The following MMS22L variants were observed in gnomAD, a reference collection of about 807,000 sequenced individuals.
The protein encoded by MMS22L is MMS22 like, DNA repair protein.
In MMS22L, 74 loss-of-function variants were observed where a neutral mutation model predicts 159.1. That is an observed-to-expected ratio of 0.47 (90% CI 0.39 to 0.56). The LOEUF (loss-of-function observed/expected upper bound fraction) is 0.56, where lower values mean the gene tolerates loss of function less well. Among genes scored for constraint, MMS22L ranks in the 20% least tolerant of loss-of-function variants. The pLI is 0.00. For synonymous variants in MMS22L, 517 were observed against 506.9 expected (o/e 1.02, Z -0.27); for missense variants, 1,351 against 1,422.1 (o/e 0.95, Z 0.80).
Position 97,254,739 on chromosome 6 carries a change from G to C in MMS22L, c.943-6C>G, listed in dbSNP as rs776954158. ...TTCAACCAGTTCCAAAATGACTATA[G>C]AAACAGAAGTAATTTGATTCCATTA... On this transcript the variant is annotated splice_region_variant and splice_polypyrimidine_tract_variant and intron_variant, in intron 9 of 24. Transcript: ENST00000683635. 1 of 1,579,534 alleles carries C rather than the reference G, an allele frequency of 6.3e-7. No homozygotes were observed. Among genetic ancestry groups the C allele is most frequent in the East Asian group, 2.3e-5 (1 of 44,362 alleles).
chr6:97,173,864 A>C (rs1011086619), intron 18 of MMS22L, among the ~76,000 whole-genome samples: 1 of 152,094 alleles, frequency 6.6e-6, no homozygotes, highest in Non-Finnish European at 1.5e-5. Context: ...AAAGGAAATA[A>C]ATGAGAGAAT....
rs751623552 is a variant in MMS22L, at chr6:97,173,190, T to C, written c.2712A>G (p.Thr904=). The C allele has an allele frequency of 3.4e-5, 55 of 1,613,450 alleles. 1 individual carries two copies. The South Asian group carries it at 5.3e-4, about 15-fold the overall frequency. The change falls in exon 19 of 25, where the codon ACA becomes ACG. Residue 904 remains threonine (T), a synonymous_variant. Coordinates refer to ENST00000683635, the MANE Select transcript of MMS22L (RefSeq NM_001350599.2). ...TGACCATGGCAGATTTATCAGAAAGTGTCTGGACGTTCCCGTAAGTTACAC... is the reference window on the plus strand; with the variant it reads ...TGACCATGGCAGATTTATCAGAAAGCGTCTGGACGTTCCCGTAAGTTACAC... ...AVGVTYGNVQ[T]LSDKSAMVTK...
intron 13 of MMS22L, among the ~76,000 whole-genome samples, chr6:97,229,992 A>G (rs575537721): frequency 1.3e-5 from 2 of 152,336 alleles, no homozygotes; most frequent in East Asian, 1.9e-4. Context: ...AGTACAATAG[A>G]TAATATAGTT....
chr6:97,182,078 TA>T (rs1156430349), intron 15 of MMS22L, 24 bp from the exon 16 acceptor site: 3 of 1,592,152 alleles, frequency 1.9e-6, no homozygotes, highest in African/African-American at 1.4e-5. Context: ...GAGAGAAACT[TA>T]AAGTCAGGAA....
At chr6:97,155,863 T>A (rs1271546691) in intron 22 of MMS22L, among the ~76,000 whole-genome samples, 1 of 152,218 alleles carries the variant, frequency 6.6e-6, no homozygotes, top group African/African-American at 2.4e-5. Context: ...ATGAGATTGT[T>A]GCATCAAATG....
chr6:97,198,169 C>A (rs1806745319), intron 14 of MMS22L, among the ~76,000 whole-genome samples: 1 of 152,096 alleles, frequency 6.6e-6, no homozygotes, highest in African/African-American at 2.4e-5. Flanking sequence ...AGTCCAATGA[C>A]CCTGAGAATA....
At chr6:97,251,542 T>C (rs1043656875) in intron 10 of MMS22L, among the ~76,000 whole-genome samples, 2 of 152,200 alleles carry the variant, frequency 1.3e-5, no homozygotes, top group Non-Finnish European at 2.9e-5. Context: ...CATGTGCATA[T>C]ACACATATAT....
At chr6:97,195,632 C>T (rs1235468041) in intron 14 of MMS22L, among the ~76,000 whole-genome samples, 1 of 152,074 alleles carries the variant, frequency 6.6e-6, no homozygotes, top group Non-Finnish European at 1.5e-5. Context: ...GCTAGAGATA[C>T]AAAAATGGTT....
chr6:97,246,331 A>G (rs1051424924), intron 11 of MMS22L, among the ~76,000 whole-genome samples: 3 of 152,178 alleles, frequency 2.0e-5, no homozygotes, highest in Admixed American at 2.0e-4. Flanking sequence ...TCATTGTGTC[A>G]CCTAGTTTGA....
intron 14 of MMS22L, among the ~76,000 whole-genome samples, chr6:97,218,249 C>T (rs1809244677): frequency 6.6e-6 from 1 of 152,086 alleles, no homozygotes; most frequent in Non-Finnish European, 1.5e-5. Flanking sequence ...ACTTAGAAGA[C>T]AATAAACACA....
chr6:97,244,625 T>G (rs998515941), intron 11 of MMS22L, among the ~76,000 whole-genome samples: 4 of 152,222 alleles, frequency 2.6e-5, no homozygotes, highest in African/African-American at 9.6e-5. Flanking sequence ...CCGTGCTGGA[T>G]GCTTCCTGCT....
At chr6:97,272,107 C>G (rs1229535396) in intron 6 of MMS22L, 1 of 152,110 alleles carries the variant, frequency 6.6e-6, no homozygotes, top group Non-Finnish European at 1.5e-5. Flanking sequence ...CATATAAGCT[C>G]CCATTTTCAT....
intron 22 of MMS22L, among the ~76,000 whole-genome samples, chr6:97,155,199 T>C (rs1400662124): frequency 6.6e-6 from 1 of 152,216 alleles, no homozygotes; most frequent in African/African-American, 2.4e-5. Context: ...TATAGTTTGA[T>C]TTACATCAGC....
At chr6:97,241,072 C>T (rs1358137751) in intron 11 of MMS22L, among the ~76,000 whole-genome samples, 2 of 152,170 alleles carry the variant, frequency 1.3e-5, no homozygotes, top group Non-Finnish European at 2.9e-5. Flanking sequence ...GTTAGTTTTC[C>T]ATTCCTGAGT....
chr6:97,162,823 G>A (rs924885480), intron 21 of MMS22L, among the ~76,000 whole-genome samples: 1 of 151,840 alleles, frequency 6.6e-6, no homozygotes, highest in Admixed American at 6.6e-5. Context: ...GAACAGGTCC[G>A]GGCCCATAAC....
At chr6:97,165,489 G>A (rs539908867) in intron 20 of MMS22L, 32 bp from the exon 21 acceptor site, 6 of 1,562,962 alleles carry the variant, frequency 3.8e-6, no homozygotes, top group Admixed American at 1.7e-5. Context: ...AATACTAAGA[G>A]GTAAAGTTTC....
intron 12 of MMS22L, among the ~76,000 whole-genome samples, chr6:97,232,306 G>A (rs1810957895): frequency 6.6e-6 from 1 of 152,128 alleles, no homozygotes; most frequent in Non-Finnish European, 1.5e-5. Flanking sequence ...TAGCATTGAT[G>A]ATCATTGCCC....
rs1582833979 is a variant in MMS22L at position 97,263,421 on chromosome 6, C to T, written c.856G>A (p.Asp286Asn). The T allele has an allele frequency of 1.3e-6, 2 of 1,584,856 alleles. No homozygotes were observed. Among genetic ancestry groups the T allele is most frequent in the East Asian group, 4.6e-5 (2 of 43,576 alleles). Residue 286 changes from aspartate to asparagine, a missense_variant, in exon 9 of 25, where the codon GAC (aspartate) becomes AAC (asparagine). By Grantham distance (23) the Asp-to-Asn change is conservative (BLOSUM62 1). Coordinates refer to ENST00000683635, the MANE Select transcript of MMS22L (RefSeq NM_001350599.2). ...TTAATGCATAAACATGGACACTGGT[C>T]ACTCATTAATGATTCAGAAGACCTA... The part of the protein sequence containing the change: ...KVRSSESLMS[D>N]QCPCLCIKEL...
intron 9 of MMS22L, chr6:97,260,183 C>G (rs559599344): frequency 4.6e-5 from 7 of 152,236 alleles, no homozygotes; most frequent in African/African-American, 1.7e-4. Flanking sequence ...AATTATCCAG[C>G]AGACCCTTTC....
Sources: gnomAD v4.1 joint callset for allele counts (sites outside exome capture counted in the v4.1 genomes callset) on GRCh38, gnomAD v4.1.1 for gene constraint, MANE v1.5 for transcripts, NCBI Gene and HGNC (gene_info 2026-07-23, HGNC 2026-07-21) for gene names.